The following CDYL2 variants were observed in gnomAD, a reference collection of about 807,000 sequenced individuals.
CDYL2 encodes the protein chromodomain Y like 2.
CDYL2 carries 23 observed loss-of-function variants against 49.4 expected under a neutral mutation model. That is an observed-to-expected ratio of 0.47 (90% CI 0.34 to 0.66). The LOEUF is 0.66. CDYL2 is among the 30% of genes least tolerant of loss of function. The probability of loss-of-function intolerance (pLI) is 0.01; values close to 1 mark genes in which losing one functional copy is unlikely to be tolerated. For missense variants in CDYL2, 678 were observed against 656.4 expected, an observed-to-expected ratio of 1.03 and a Z score of -0.36; for synonymous variants, 360 against 268.8, an observed-to-expected ratio of 1.34 and a Z score of -3.32.
At chr16:80,750,937 G>A (rs1033007956) in intron 1 of CDYL2, among the ~76,000 whole-genome samples, 7 of 151,990 alleles carry the variant, frequency 4.6e-5, no homozygotes, top group South Asian at 2.1e-4. Context: ...GGAGAATGGC[G>A]TGAACCCGGG....
At chr16:80,638,372 G>A (rs1467298795) in intron 2 of CDYL2, among the ~76,000 whole-genome samples, 2 of 152,110 alleles carry the variant, frequency 1.3e-5, no homozygotes, top group Non-Finnish European at 2.9e-5. Flanking sequence ...ACCACACTTC[G>A]CCAAGACTCA....
chr16:80,616,843 C>G (rs866540244), intron 4 of CDYL2, among the ~76,000 whole-genome samples: 5 of 152,346 alleles, frequency 3.3e-5, no homozygotes, highest in Middle Eastern at 6.8e-3. Context: ...TTTATCCTAG[C>G]AACACACCAG....
At chr16:80,702,438 T>C (rs1451522209) in intron 1 of CDYL2, among the ~76,000 whole-genome samples, 3 of 151,884 alleles carry the variant, frequency 2.0e-5, no homozygotes, top group Non-Finnish European at 4.4e-5. Flanking sequence ...TATATAAAGA[T>C]CTCAGGAATA....
At chr16:80,732,055 T>G (rs1905345021) in intron 1 of CDYL2, among the ~76,000 whole-genome samples, 1 of 152,216 alleles carries the variant, frequency 6.6e-6, no homozygotes, top group African/African-American at 2.4e-5. Flanking sequence ...AGGCTCTGTA[T>G]TCACAGCCAC....
chr16:80,604,175 G>C lies in CDYL2; in HGVS notation c.*213C>G. On this transcript the variant is annotated 3_prime_UTR_variant, in exon 7 of 7. Coordinates refer to ENST00000570137, the MANE Select transcript of CDYL2 (RefSeq NM_152342.4). ...CTTGGACAGCTCTCTGGCCAGGAAG[G>C]GCAGGGAGGTGGGGGAGGCCAAGTA... 3.4e-6 allele frequency: 2 copies of C among 592,494 alleles called. No individual in the cohort carries two copies. The highest frequency in any genetic ancestry group is 6.0e-6 in the Non-Finnish European group (2 of 334,978). The allele number at this position is 592,494 out of a possible 1,614,324, so 36.7% of individuals were successfully genotyped here.
At chr16:80,630,942 C>A (rs1907534370) in intron 3 of CDYL2, among the ~76,000 whole-genome samples, 1 of 152,120 alleles carries the variant, frequency 6.6e-6, no homozygotes. Flanking sequence ...GAGTGAGTGG[C>A]CATCCCTTGA....
chr16:80,616,784 T>C (rs112909112), intron 4 of CDYL2, among the ~76,000 whole-genome samples: 9 of 152,330 alleles, frequency 5.9e-5, no homozygotes, highest in South Asian at 2.1e-4. Flanking sequence ...CAAGAACATA[T>C]TAGTGCCAGG....
chr16:80,661,220 C>A (rs572750333), intron 2 of CDYL2, among the ~76,000 whole-genome samples: 2 of 152,208 alleles, frequency 1.3e-5, no homozygotes, highest in African/African-American at 4.8e-5. Flanking sequence ...AGGATGCTAT[C>A]CCCAATTGAG....
chr16:80,784,922 G>A (rs1005781316), intron 1 of CDYL2, among the ~76,000 whole-genome samples: 5 of 152,164 alleles, frequency 3.3e-5, no homozygotes, highest in Non-Finnish European at 7.3e-5. Context: ...ACACCAGGCA[G>A]GGCCAGAAGA....
At chr16:80,680,619 G>C (rs1019323738) in intron 2 of CDYL2, among the ~76,000 whole-genome samples, 6 of 152,172 alleles carry the variant, frequency 3.9e-5, no homozygotes, top group Non-Finnish European at 7.4e-5. Flanking sequence ...AAAAAAGAGA[G>C]AGATGCCTAG....
intron 3 of CDYL2, among the ~76,000 whole-genome samples, chr16:80,625,670 C>G (rs565090207): frequency 6.6e-6 from 1 of 152,260 alleles, no homozygotes; most frequent in East Asian, 1.9e-4. Context: ...ATTTAAACTT[C>G]AGAACATCAA....
At chr16:80,731,451 A>C (rs774892594) in intron 1 of CDYL2, among the ~76,000 whole-genome samples, 39 of 152,300 alleles carry the variant, frequency 2.6e-4, no homozygotes, top group Middle Eastern at 3.4e-3. Flanking sequence ...ATTCTGAAAA[A>C]TTCCCACAAC....
At chr16:80,663,877 C>T (rs1029308678) in intron 2 of CDYL2, among the ~76,000 whole-genome samples, 9 of 152,172 alleles carry the variant, frequency 5.9e-5, no homozygotes, top group African/African-American at 2.2e-4. Context: ...GAGGTGTGAG[C>T]CACTATGCCC....
chr16:80,700,105 C>T (rs1215292014), intron 1 of CDYL2, among the ~76,000 whole-genome samples: 3 of 152,258 alleles, frequency 2.0e-5, no homozygotes, highest in Admixed American at 6.5e-5. Context: ...ATGATCCGCC[C>T]GCCTCGGCCT....
chr16:80,683,362 T>G (rs2142472864), intron 2 of CDYL2, among the ~76,000 whole-genome samples: 1 of 152,334 alleles, frequency 6.6e-6, no homozygotes, highest in African/African-American at 2.4e-5. Context: ...CACAAGCAGC[T>G]AACCTGAAAG....
At chr16:80,778,983 A>G (rs1390882028) in intron 1 of CDYL2, among the ~76,000 whole-genome samples, 1 of 152,098 alleles carries the variant, frequency 6.6e-6, no homozygotes, top group Non-Finnish European at 1.5e-5. Flanking sequence ...TTTCAGCTAT[A>G]TTAAATTTCC....
chr16:80,700,754 A>G (rs974176863), intron 1 of CDYL2, among the ~76,000 whole-genome samples: 12 of 152,274 alleles, frequency 7.9e-5, no homozygotes, highest in Non-Finnish European at 1.5e-4. Flanking sequence ...GCAAATTAAA[A>G]TGTACAACCT....
chr16:80,607,145 G>C (rs143978843), intron 6 of CDYL2, among the ~76,000 whole-genome samples: 1 of 152,074 alleles, frequency 6.6e-6, no homozygotes, highest in Admixed American at 6.5e-5. Flanking sequence ...CGTGGCCCGC[G>C]TGAGTGTTGA....
intron 1 of CDYL2, among the ~76,000 whole-genome samples, chr16:80,768,710 C>A (rs145095320): frequency 1.3e-5 from 2 of 152,198 alleles, no homozygotes; most frequent in Non-Finnish European, 2.9e-5. Flanking sequence ...AGGAAGTAAT[C>A]TGGCTTCCTG....
Sources: gnomAD v4.1 joint callset for allele counts (sites outside exome capture counted in the v4.1 genomes callset) on GRCh38, gnomAD v4.1.1 for gene constraint, MANE v1.5 for transcripts, NCBI Gene and HGNC (gene_info 2026-07-23, HGNC 2026-07-21) for gene names.